The following SF1 variants were observed in gnomAD, a reference collection of about 807,000 sequenced individuals.
SF1 encodes the protein splicing factor 1.
SF1 carries 7 observed loss-of-function variants against 62.5 expected under a neutral mutation model. The ratio of observed to expected loss-of-function variants is 0.11; its 90% CI spans 0.06 to 0.21. The LOEUF (loss-of-function observed/expected upper bound fraction) is 0.21. Ranked by LOEUF, SF1 falls within the 10% of genes least tolerant of loss-of-function variation. The pLI, the probability that SF1 is intolerant of heterozygous loss-of-function variation, is 1.00. For missense variants in SF1, 578 were observed against 884.0 expected (o/e 0.65, Z 4.39); for synonymous variants, 394 against 323.6 (o/e 1.22, Z -2.33).
chr11:64,767,087 C>G lies in SF1; in HGVS notation c.1403-8G>C, dbSNP rs140366554. 1,466 of 1,600,764 alleles carry G rather than the reference C, an allele frequency of 9.2e-4. 22 individuals are homozygous for G. In the East Asian group the frequency reaches 0.024, roughly 27 times the overall value. On this transcript the variant is annotated splice_polypyrimidine_tract_variant and splice_region_variant and intron_variant, in intron 11 of 12. Coordinates refer to ENST00000377390, the MANE Select transcript of SF1 (RefSeq NM_004630.4). ...GTGGTGGCGGCATCATACCTGTGGA[C>G]AGGTGGAGGCAAAGATGAGGCCTCA... is the stretch of plus-strand genomic sequence containing the variant.
intron 1 of SF1, 112 bp downstream of exon 1, chr11:64,778,250 G>C: frequency 8.3e-7 from 1 of 1,206,136 alleles, no homozygotes; most frequent in Non-Finnish European, 1.0e-6. Context: ...CGGGGGCGGC[G>C]GCGGCCCGGG....
At position 64,765,711 on chromosome 11, in the gene SF1, A is replaced by G. The variant is rs977701611; in HGVS notation, c.*107T>C. On this transcript the variant is annotated 3_prime_UTR_variant, in exon 13 of 13. Coordinates refer to ENST00000377390, the MANE Select transcript of SF1 (RefSeq NM_004630.4). ...CACACACACACATGCGTGCACACAC[A>G]ATCACATGCGTGCGTCCCAATGTCT... 4 of 1,464,046 alleles carry G rather than the reference A, an allele frequency of 2.7e-6. No homozygotes were observed. Among genetic ancestry groups the G allele is most frequent in the East Asian group, 5.0e-5 (2 of 40,224 alleles). 90.7% of individuals were successfully genotyped at this position (1,464,046 alleles called of 1,614,324 possible).
chr11:64,777,550 G>C (rs939205716), intron 1 of SF1: 2 of 985,304 alleles, frequency 2.0e-6, no homozygotes, highest in Admixed American at 6.1e-5. Flanking sequence ...AGCTATCCTT[G>C]GTACGGTTCC....
intron 3 of SF1, chr11:64,771,819 G>A (rs1938370875): frequency 4.1e-6 from 4 of 985,236 alleles, no homozygotes; most frequent in Non-Finnish European, 4.8e-6. Context: ...ACCTTTTTAA[G>A]AAATTATCTT....
At chr11:64,776,649 A>G in intron 1 of SF1, 23 bp from the exon 2 acceptor site, 1 of 1,604,746 alleles carries the variant, frequency 6.2e-7, no homozygotes, top group Non-Finnish European at 8.5e-7. Context: ...GACAAAATCC[A>G]TCCGATGTAA....
At chr11:64,773,619 C>T (rs1255362842) in intron 2 of SF1, 114 bp from the exon 3 acceptor site, 7 of 1,227,066 alleles carry the variant, frequency 5.7e-6, no homozygotes, top group East Asian at 2.6e-5. Flanking sequence ...TTGAAAGGGA[C>T]GACTGATCAG....
chr11:64,774,302 C>G (rs529332095), intron 2 of SF1, among the ~76,000 whole-genome samples: 1 of 152,266 alleles, frequency 6.6e-6, no homozygotes, highest in South Asian at 2.1e-4. Context: ...TGTACTTGGC[C>G]CTCGGGCCTT....
intron 1 of SF1, 132 bp from the exon 2 acceptor site, chr11:64,776,758 T>TA (rs1283224965): frequency 4.8e-6 from 4 of 839,626 alleles, no homozygotes; most frequent in East Asian, 2.9e-5. Context: ...ACTTAAACAT[T>TA]AAAAAAACAG....
At chr11:64,770,991 G>A (rs1286476353) in intron 3 of SF1, among the ~76,000 whole-genome samples, 1 of 152,196 alleles carries the variant, frequency 6.6e-6, no homozygotes, top group East Asian at 1.9e-4. Context: ...CAATGGCCTG[G>A]CTGGCTGTGT....
At chr11:64,774,612 C>A (rs1169342213) in intron 2 of SF1, among the ~76,000 whole-genome samples, 1 of 152,178 alleles carries the variant, frequency 6.6e-6, no homozygotes, top group Non-Finnish European at 1.5e-5. Context: ...ATCCACAGGG[C>A]TATACCACAC....
intron 1 of SF1, chr11:64,777,737 A>C (rs1348089231): frequency 9.1e-6 from 9 of 985,520 alleles, no homozygotes; most frequent in African/African-American, 5.2e-5. Context: ...GTTGCGCCGC[A>C]CAGCCCGGCC....
rs1009138003 is a variant in SF1, at chr11:64,765,265, G to A, written c.*553C>T. 1.9e-6 allele frequency: 1 copy of A among 537,936 alleles called. No homozygotes were observed. Among genetic ancestry groups the A allele is most frequent in the Non-Finnish European group, 3.4e-6 (1 of 297,828 alleles). 33.3% of individuals were successfully genotyped at this position (537,936 alleles called of 1,614,324 possible). On this transcript the variant is annotated 3_prime_UTR_variant, in exon 13 of 13. Coordinates refer to ENST00000377390, the MANE Select transcript of SF1 (RefSeq NM_004630.4). ...AAATTGCAGCAGAAGACCGGGGAGA[G>A]CATCTCCTTGGACGGAGTCTGAAGA...
intron 2 of SF1, among the ~76,000 whole-genome samples, chr11:64,773,918 T>C (rs917499434): frequency 3.3e-5 from 5 of 149,564 alleles, no homozygotes; most frequent in Non-Finnish European, 5.9e-5. Context: ...AAGAATTGAG[T>C]TTTTTCTTCA....
At chr11:64,774,916 G>A (rs959174057) in intron 2 of SF1, among the ~76,000 whole-genome samples, 1 of 148,358 alleles carries the variant, frequency 6.7e-6, no homozygotes, top group African/African-American at 2.5e-5. Context: ...AGCCGAGATC[G>A]CACCACTACA....
chr11:64,765,695 A>C lies in SF1; in HGVS notation c.*123T>G. On this transcript the variant is annotated 3_prime_UTR_variant, in exon 13 of 13. Transcript: ENST00000377390. Reference sequence around the variant, plus strand: ...CCCAGCCCAGTGCGTGCACACACACACATGCGTGCACACACAATCACATGC... The same window carrying C: ...CCCAGCCCAGTGCGTGCACACACACCCATGCGTGCACACACAATCACATGC... The C allele has an allele frequency of 2.1e-6, 3 of 1,461,324 alleles. No individual in the cohort carries two copies. Among genetic ancestry groups the C allele is most frequent in the Non-Finnish European group, 2.7e-6 (3 of 1,108,884 alleles). 90.5% of individuals were successfully genotyped at this position (1,461,324 alleles called of 1,614,324 possible).
intron 1 of SF1, chr11:64,778,030 C>T: frequency 4.0e-6 from 4 of 1,008,232 alleles, no homozygotes; most frequent in South Asian, 8.9e-5. Flanking sequence ...CCTTACGCGG[C>T]GGCTGGGGTG....
chr11:64,772,497 ACTT>A, intron 3 of SF1: 3 of 984,980 alleles, frequency 3.0e-6, no homozygotes, highest in Non-Finnish European at 1.2e-6. Context: ...TGAGTGAGTG[ACTT>A]CTAAAGCCAT....
At position 64,770,416 on chromosome 11, in the gene SF1, A is replaced by C; in HGVS notation, c.237-8T>G. On this transcript the variant is annotated splice_polypyrimidine_tract_variant and splice_region_variant and intron_variant, in intron 3 of 12. Coordinates refer to ENST00000377390, the MANE Select transcript of SF1 (RefSeq NM_004630.4). Reference sequence around the variant, plus strand: ...GGCTCAGGGGAAGGGGACCTGTGGGAAACAGACTCCCGTTTACTATTCTGC... The same window carrying C: ...GGCTCAGGGGAAGGGGACCTGTGGGCAACAGACTCCCGTTTACTATTCTGC... 6.2e-7 allele frequency: 1 copy of C among 1,609,780 alleles called. No individual in the cohort carries two copies. The highest frequency in any genetic ancestry group is 8.5e-7 in the Non-Finnish European group (1 of 1,176,284).
chr11:64,777,652 C>T, intron 1 of SF1: 1 of 985,616 alleles, frequency 1.0e-6, no homozygotes, highest in Non-Finnish European at 1.2e-6. Context: ...GCACCCCGTC[C>T]AGCGCTGAAC....
Sources: allele counts gnomAD v4.1 joint callset (sites outside exome capture counted in the v4.1 genomes callset), GRCh38; gene constraint gnomAD v4.1.1; transcripts MANE v1.5; gene names NCBI Gene and HGNC (gene_info 2026-07-23, HGNC 2026-07-21).